FMNL2: variants seen among roughly 807,000 people sequenced by gnomAD.
FMNL2 encodes formin-like protein 2.
Under a neutral mutation model 130.2 loss-of-function variants are expected in FMNL2, and 51 were observed. The observed-to-expected ratio is 0.39, with a 90% confidence interval of 0.31 to 0.49. The LOEUF is 0.49. Among genes scored for constraint, FMNL2 ranks in the 20% least tolerant of loss-of-function variants. FMNL2 has a pLI of 0.85. For missense variants in FMNL2, 977 were observed against 1,316.2 expected (o/e 0.74, Z 3.99); for synonymous variants, 465 against 467.1 (o/e 1.00, Z 0.06).
intron 1 of FMNL2, among the ~76,000 whole-genome samples, chr2:152,519,689 C>T (rs1408260793): frequency 6.6e-6 from 1 of 152,186 alleles, no homozygotes; most frequent in Non-Finnish European, 1.5e-5. Flanking sequence ...ACCAAATTCT[C>T]CCGGGTCTAT....
chr2:152,350,068 GT>G (rs957293761), intron 1 of FMNL2, among the ~76,000 whole-genome samples: 1 of 152,128 alleles, frequency 6.6e-6, no homozygotes, highest in African/African-American at 2.4e-5. Context: ...GAAATGGAGC[GT>G]TTAGATGGTG....
At chr2:152,450,349 GC>G (rs1311704802) in intron 1 of FMNL2, among the ~76,000 whole-genome samples, 1 of 152,198 alleles carries the variant, frequency 6.6e-6, no homozygotes, top group Non-Finnish European at 1.5e-5. Flanking sequence ...TGAGGACAGA[GC>G]CAGCTCAGTT....
chr2:152,554,444 C>T (rs1266453870), intron 4 of FMNL2, among the ~76,000 whole-genome samples: 1 of 152,174 alleles, frequency 6.6e-6, no homozygotes, highest in Non-Finnish European at 1.5e-5. Context: ...TTGATTGGGT[C>T]TTTTTATCCA....
chr2:152,504,731 A>G (rs1346962479), intron 1 of FMNL2, among the ~76,000 whole-genome samples: 1 of 152,162 alleles, frequency 6.6e-6, no homozygotes, highest in Non-Finnish European at 1.5e-5. Context: ...AATTATGTAC[A>G]TACGGATCTC....
intron 1 of FMNL2, among the ~76,000 whole-genome samples, chr2:152,443,391 T>A (rs1688167090): frequency 6.6e-6 from 1 of 150,972 alleles, no homozygotes; most frequent in Non-Finnish European, 1.5e-5. Context: ...TGGGATTAGC[T>A]AGGAAGGTAG....
At chr2:152,408,870 G>A (rs1463799943) in intron 1 of FMNL2, among the ~76,000 whole-genome samples, 2 of 152,096 alleles carry the variant, frequency 1.3e-5, no homozygotes, top group Non-Finnish European at 2.9e-5. Flanking sequence ...TATCGCTTTT[G>A]CACCATTGTA....
intron 1 of FMNL2, among the ~76,000 whole-genome samples, chr2:152,336,841 C>T (rs1184372699): frequency 2.0e-5 from 3 of 152,234 alleles, no homozygotes; most frequent in Admixed American, 2.0e-4. Flanking sequence ...AAGGGAAACT[C>T]GTGATCCGGG....
chr2:152,410,053 C>T (rs541738730), intron 1 of FMNL2, among the ~76,000 whole-genome samples: 2 of 152,234 alleles, frequency 1.3e-5, no homozygotes, highest in South Asian at 2.1e-4. Context: ...CAGGAATGAA[C>T]AATACAGTTC....
Position 152,619,077 on chromosome 2 carries a change from C to A in FMNL2, c.1546C>A (p.Pro516Thr). 3 of 1,613,262 alleles carry A rather than the reference C, an allele frequency of 1.9e-6. No homozygotes were observed. The highest frequency in any genetic ancestry group is 2.5e-6 in the Non-Finnish European group (3 of 1,179,324). Residue 516 changes from proline to threonine, a missense_variant, in exon 14 of 26, where the codon CCC becomes ACC. Transcript: ENST00000288670. ...AGTGGTAGCAGGTAACTCTGTGGGA[C>A]CCACAATGGGGGCCGCTTCCTCAGG... The part of the protein sequence containing the change: ...SEVVAGNSVG[P>T]TMGAASSGPL...
intron 1 of FMNL2, among the ~76,000 whole-genome samples, chr2:152,482,530 C>T (rs760932971): frequency 1.3e-5 from 2 of 152,138 alleles, no homozygotes; most frequent in Non-Finnish European, 1.5e-5. Context: ...AGACTGGCTG[C>T]GATGGGTTTT....
chr2:152,389,079 G>T (rs1684951715), intron 1 of FMNL2, among the ~76,000 whole-genome samples: 1 of 151,122 alleles, frequency 6.6e-6, no homozygotes, highest in Non-Finnish European at 1.5e-5. Context: ...GGACTTAACA[G>T]GGAGGGTGCT....
intron 1 of FMNL2, among the ~76,000 whole-genome samples, chr2:152,387,952 C>T (rs555220894): frequency 1.3e-5 from 2 of 152,066 alleles, no homozygotes; most frequent in Non-Finnish European, 2.9e-5. Flanking sequence ...CTGCGCTTGG[C>T]TGCACGTTTT....
At chr2:152,491,510 A>G (rs1303271672) in intron 1 of FMNL2, among the ~76,000 whole-genome samples, 1 of 152,234 alleles carries the variant, frequency 6.6e-6, no homozygotes, top group Non-Finnish European at 1.5e-5. Flanking sequence ...AGCTTAGCTA[A>G]ATTGACCACA....
chr2:152,388,669 G>A (rs1335971061), intron 1 of FMNL2, among the ~76,000 whole-genome samples: 1 of 152,192 alleles, frequency 6.6e-6, no homozygotes, highest in Non-Finnish European at 1.5e-5. Flanking sequence ...AATTATTCAA[G>A]TGCCTAATGT....
chr2:152,378,574 GA>G (rs1310412270), intron 1 of FMNL2, among the ~76,000 whole-genome samples: 1 of 152,150 alleles, frequency 6.6e-6, no homozygotes, highest in African/African-American at 2.4e-5. Flanking sequence ...GCAATCAGAA[GA>G]ACTAATGTTT....
intron 1 of FMNL2, among the ~76,000 whole-genome samples, chr2:152,373,372 T>A (rs1424139356): frequency 1.3e-5 from 2 of 152,158 alleles, no homozygotes; most frequent in African/African-American, 4.8e-5. Context: ...TGTGCCAGAA[T>A]GTAGATAGAA....
At chr2:152,611,373 A>T in intron 10 of FMNL2, 122 bp from the exon 11 acceptor site, 1 of 586,872 alleles carries the variant, frequency 1.7e-6, no homozygotes, top group Non-Finnish European at 3.0e-6. Flanking sequence ...TAAAGAACCA[A>T]TGAAATGAAG....
chr2:152,517,712 C>CA (rs1414222110), intron 1 of FMNL2, among the ~76,000 whole-genome samples: 1 of 152,164 alleles, frequency 6.6e-6, no homozygotes. Context: ...TCTAGAAAAA[C>CA]AATAATTAAC....
chr2:152,522,136 G>A lies in FMNL2; in HGVS notation c.201+110G>A, dbSNP rs1265867712. The A allele has an allele frequency of 6.7e-6, 6 of 895,248 alleles. No homozygotes were observed. The East Asian group carries it at 1.1e-4, about 17-fold the overall frequency. 55.5% of individuals were successfully genotyped at this position (895,248 alleles called of 1,614,324 possible). A position where few individuals can be genotyped will look rare whatever the true frequency, so the allele number is the denominator to read the frequency against. On this transcript the variant is annotated intron_variant, in intron 2 of 25. Transcript: ENST00000288670. ...ATTGAAAAACAAGATATTTGCTTCTGCGACAGAGATAGGAAAAAAGAAGAG... is the reference window on the plus strand; with the variant it reads ...ATTGAAAAACAAGATATTTGCTTCTACGACAGAGATAGGAAAAAAGAAGAG...
Sources: gnomAD v4.1 joint callset for allele counts (sites outside exome capture counted in the v4.1 genomes callset) on GRCh38, gnomAD v4.1.1 for gene constraint, MANE v1.5 for transcripts, NCBI Gene and HGNC (gene_info 2026-07-23, HGNC 2026-07-21) for gene names.